Variants in DPP10 observed in about 807,000 individuals in gnomAD.
The protein encoded by DPP10 is inactive dipeptidyl peptidase 10.
DPP10 carries 33 observed loss-of-function variants against 120.9 expected under a neutral mutation model. The observed-to-expected ratio is 0.27, with a 90% CI of 0.21 to 0.37. DPP10 has a LOEUF of 0.37. DPP10 is among the 10% of genes least tolerant of loss of function. The probability of loss-of-function intolerance (pLI) is 1.00; values close to 1 mark genes in which losing one functional copy is unlikely to be tolerated. For missense variants in DPP10, 816 were observed against 942.8 expected (o/e 0.87, Z 1.76); for synonymous variants, 337 against 326.1 (o/e 1.03, Z -0.36).
At chr2:114,731,185 T>C (rs540003825) in intron 1 of DPP10, among the ~76,000 whole-genome samples, 2 of 152,140 alleles carry the variant, frequency 1.3e-5, no homozygotes, top group East Asian at 3.9e-4. Flanking sequence ...TCTGACTGAT[T>C]TGTCCATGCT....
In DPP10 at chr2:114,896,052, A is replaced by G. The variant is rs986208251; in HGVS notation, c.61-413187A>G. 4.4e-4 allele frequency among the ~76,000 whole-genome samples: 67 copies of G among 152,170 alleles called. 2 individuals carry two copies. Among genetic ancestry groups the G allele is most frequent in the Admixed American group, 3.9e-3 (59 of 15,282 alleles). ...AAAGATCAGATAGTTGTAGATATGC[A>G]GCATTATTTCTGAGGGCTCTGTTCT... is the stretch of plus-strand genomic sequence containing the variant. On this transcript the variant is annotated intron_variant, in intron 1 of 25. Coordinates refer to ENST00000410059, the MANE Select transcript of DPP10 (RefSeq NM_020868.6).
At chr2:114,729,863 C>T (rs181805413) in intron 1 of DPP10, among the ~76,000 whole-genome samples, 26 of 152,216 alleles carry the variant, frequency 1.7e-4, no homozygotes, top group African/African-American at 5.5e-4. Context: ...CAAAAACAGA[C>T]GACTTGCAAG....
chr2:115,287,609 G>A (rs1186976157), intron 1 of DPP10, among the ~76,000 whole-genome samples: 3 of 152,034 alleles, frequency 2.0e-5, no homozygotes, highest in African/African-American at 7.2e-5. Flanking sequence ...TCAAGTTGCG[G>A]CAAAAGACAT....
chr2:114,593,927 T>C (rs17048495), intron 1 of DPP10, among the ~76,000 whole-genome samples: 14,205 of 152,180 alleles, frequency 0.093, 749 homozygotes, highest in East Asian at 0.23. Context: ...TCTTTCTCAC[T>C]GGAGTTGTGA....
chr2:114,491,580 C>A (rs1682005237), intron 1 of DPP10, among the ~76,000 whole-genome samples: 1 of 152,274 alleles, frequency 6.6e-6, no homozygotes, highest in East Asian at 1.9e-4. Flanking sequence ...AGTTTCCTTG[C>A]ACACTAGCAG....
chr2:115,616,432 C>T (rs144024336), intron 5 of DPP10, among the ~76,000 whole-genome samples: 1 of 151,654 alleles, frequency 6.6e-6, no homozygotes. Flanking sequence ...CCCAGTATCC[C>T]TACTCTAATC....
At chr2:115,242,631 T>TA (rs1317284455) in intron 1 of DPP10, among the ~76,000 whole-genome samples, 1 of 151,976 alleles carries the variant, frequency 6.6e-6, no homozygotes, top group Non-Finnish European at 1.5e-5. Flanking sequence ...CTACCAGCAG[T>TA]GTAGAGGTGT....
At chr2:114,863,317 G>A (rs945479064) in intron 1 of DPP10, among the ~76,000 whole-genome samples, 3 of 152,150 alleles carry the variant, frequency 2.0e-5, no homozygotes, top group Non-Finnish European at 2.9e-5. Context: ...ATTATTCTGG[G>A]AAACACATTT....
chr2:115,734,013 G>A (rs2092973514), intron 8 of DPP10, among the ~76,000 whole-genome samples: 1 of 152,140 alleles, frequency 6.6e-6, no homozygotes, highest in Non-Finnish European at 1.5e-5. Flanking sequence ...CCTTATCCAG[G>A]ATGACTGTTA....
intron 2 of DPP10, among the ~76,000 whole-genome samples, chr2:115,322,974 A>G (rs2062144896): frequency 6.6e-6 from 1 of 152,208 alleles, no homozygotes; most frequent in Non-Finnish European, 1.5e-5. Flanking sequence ...CTAACTGAAC[A>G]AGCTAGTGGT....
chr2:114,891,218 G>A (rs1163641424), intron 1 of DPP10, among the ~76,000 whole-genome samples: 2 of 152,152 alleles, frequency 1.3e-5, no homozygotes, highest in Middle Eastern at 3.2e-3. Context: ...GTAATTGCAA[G>A]CTGAGTAGAG....
At chr2:115,081,770 C>T (rs569730073) in intron 1 of DPP10, among the ~76,000 whole-genome samples, 30 of 152,284 alleles carry the variant, frequency 2.0e-4, no homozygotes, top group African/African-American at 4.1e-4. Context: ...AAGTTCAAGA[C>T]GTGGTACAGA....
intron 1 of DPP10, among the ~76,000 whole-genome samples, chr2:115,207,416 C>CAAAAAAAAAAAAAAAAAAAAAAAAAAA (rs57462947): frequency 7.6e-5 from 4 of 52,312 alleles, no homozygotes; most frequent in African/African-American, 2.6e-4. Flanking sequence ...CTTACTGCAC[C>CAAAAAAAAAAAAAAAAAAAAAAAAAAA]AAAAAAAAAA....
chr2:115,502,068 T>C (rs983315995), intron 4 of DPP10, among the ~76,000 whole-genome samples: 2 of 152,082 alleles, frequency 1.3e-5, no homozygotes, highest in Non-Finnish European at 2.9e-5. Flanking sequence ...GTAAGACATA[T>C]TATGCTAAAA....
At chr2:115,649,832 T>C (rs2087591417) in intron 5 of DPP10, among the ~76,000 whole-genome samples, 1 of 152,144 alleles carries the variant, frequency 6.6e-6, no homozygotes, top group Non-Finnish European at 1.5e-5. Context: ...CTTTCTTTCC[T>C]TATATTTATC....
intron 1 of DPP10, among the ~76,000 whole-genome samples, chr2:114,666,485 C>G (rs1697932570): frequency 6.6e-6 from 1 of 152,106 alleles, no homozygotes; most frequent in African/African-American, 2.4e-5. Context: ...TTAGTAGGAG[C>G]CATATCATGG....
At chr2:114,502,968 T>G (rs1683328263) in intron 1 of DPP10, among the ~76,000 whole-genome samples, 1 of 152,148 alleles carries the variant, frequency 6.6e-6, no homozygotes, top group Non-Finnish European at 1.5e-5. Context: ...GAAGATGACA[T>G]AAAAGTGCGT....
chr2:114,989,881 T>C (rs1251782384), intron 1 of DPP10, among the ~76,000 whole-genome samples: 1 of 152,226 alleles, frequency 6.6e-6, no homozygotes, highest in Non-Finnish European at 1.5e-5. Flanking sequence ...CATTGGAGCT[T>C]GGTTTCCTTG....
intron 1 of DPP10, among the ~76,000 whole-genome samples, chr2:114,986,906 G>A (rs1287322873): frequency 6.6e-6 from 1 of 151,900 alleles, no homozygotes; most frequent in Non-Finnish European, 1.5e-5. Context: ...AAGTAGCTGG[G>A]GATTACAGGC....
Sources: allele counts gnomAD v4.1 joint callset (sites outside exome capture counted in the v4.1 genomes callset), GRCh38; gene constraint gnomAD v4.1.1; transcripts MANE v1.5; gene names NCBI Gene and HGNC (gene_info 2026-07-23, HGNC 2026-07-21).